ANLN: variants seen among roughly 807,000 people sequenced by gnomAD.
The protein encoded by ANLN is anillin, actin binding protein, also known as anillin.
ANLN carries 59 observed loss-of-function variants against 135.1 expected under a neutral mutation model. The ratio of observed to expected loss-of-function variants is 0.44; its 90% confidence interval spans 0.35 to 0.54. The LOEUF is 0.54. ANLN is among the 20% of genes least tolerant of loss of function. The probability of loss-of-function intolerance (pLI) is 0.00; values close to 1 mark genes in which losing one functional copy is unlikely to be tolerated. For synonymous variants in ANLN, 406 were observed against 456.4 expected (o/e 0.89, Z 1.41); for missense variants, 1,182 against 1,340.0 (o/e 0.88, Z 1.84).
intron 22 of ANLN, among the ~76,000 whole-genome samples, chr7:36,445,552 G>T (rs1489882118): frequency 6.6e-6 from 1 of 152,084 alleles, no homozygotes; most frequent in Middle Eastern, 3.2e-3. Flanking sequence ...TTTTGTAAGA[G>T]CACATTACAA....
At chr7:36,391,212 T>A (rs1307355765) in intron 1 of ANLN, among the ~76,000 whole-genome samples, 1 of 152,220 alleles carries the variant, frequency 6.6e-6, no homozygotes, top group Non-Finnish European at 1.5e-5. Context: ...CCTATTTTTG[T>A]ATTAGCCTTA....
chr7:36,412,043 C>G (rs1733040249), intron 7 of ANLN, among the ~76,000 whole-genome samples: 1 of 151,984 alleles, frequency 6.6e-6, no homozygotes, highest in Non-Finnish European at 1.5e-5. Flanking sequence ...TTGGTTTGCT[C>G]TATACCTTGT....
chr7:36,434,539 T>G (rs1174435944), intron 20 of ANLN, among the ~76,000 whole-genome samples: 1 of 152,198 alleles, frequency 6.6e-6, no homozygotes, highest in Non-Finnish European at 1.5e-5. Flanking sequence ...AAGAATATTT[T>G]CTTACATGTT....
rs770450081 is a variant in ANLN at position 36,452,435 on chromosome 7, A to T, written c.3252-42A>T. The T allele has an allele frequency of 8.1e-6, 13 of 1,612,236 alleles. No homozygotes were observed. The East Asian group carries it at 2.9e-4, about 36-fold the overall frequency. ...AAGAGTACATGGGGGTATGGAATGG[A>T]GGGAGAAGAATTCTGACCTCTTTGG... On this transcript the variant is annotated intron_variant, in intron 23 of 23. Coordinates refer to ENST00000265748, the MANE Select transcript of ANLN (RefSeq NM_018685.5).
At position 36,423,922 on chromosome 7, in the gene ANLN, C is replaced by T; in HGVS notation, c.2582C>T (p.Thr861Ile). 6.2e-7 allele frequency: 1 copy of T among 1,611,986 alleles called. No individual in the cohort carries two copies. The highest frequency in any genetic ancestry group is 1.1e-5 in the South Asian group (1 of 90,812). The change falls in exon 15 of 24, where the codon ACA becomes ATA. Residue 861 changes from threonine to isoleucine, a missense_variant. This residue lies in a region of ANLN where 1,022 missense variants were observed against 1,134.0 expected (regional missense o/e 0.90). Coordinates refer to ENST00000265748, the MANE Select transcript of ANLN (RefSeq NM_018685.5). The stretch of plus-strand genomic sequence containing the variant: ...AACTCTCTTAACGGTGATGCTCTGA[C>T]ATTCACTACTACATTTACTCTGTAA... ...TSNSLNGDALTFTTTFTLQDV... is the reference protein window; with the variant it reads ...TSNSLNGDALIFTTTFTLQDV...
At chr7:36,399,446 T>C (rs368970778) in intron 3 of ANLN, 53 bp downstream of exon 3, 6 of 1,437,300 alleles carry the variant, frequency 4.2e-6, no homozygotes, top group African/African-American at 2.9e-5. Context: ...TAAGATTCAG[T>C]TTGGTATGTT....
chr7:36,449,756 A>G lies in ANLN; in HGVS notation c.3170A>G (p.Glu1057Gly). 6.2e-7 allele frequency: 1 copy of G among 1,614,176 alleles called. No homozygotes were observed. The highest frequency in any genetic ancestry group is 8.5e-7 in the Non-Finnish European group (1 of 1,179,996). Reference protein sequence around the residue: ...REFCARRNTFELITVRPQRED... With the variant: ...REFCARRNTFGLITVRPQRED... Reference sequence around the variant, plus strand: ...TTTTGTGCAAGACGCAACACTTTTGAATTAATTACTGTCCGACCACAAAGA... The same window carrying G: ...TTTTGTGCAAGACGCAACACTTTTGGATTAATTACTGTCCGACCACAAAGA... The change falls in exon 23 of 24, where the codon GAA becomes GGA. Residue 1057 changes from glutamate (E) to glycine (G), a missense_variant. Glu to Gly is a moderately conservative substitution (Grantham distance 98). Transcript: ENST00000265748.
At chr7:36,446,536 G>GC (rs1719548321) in intron 22 of ANLN, among the ~76,000 whole-genome samples, 1 of 152,188 alleles carries the variant, frequency 6.6e-6, no homozygotes, top group South Asian at 2.1e-4. Flanking sequence ...TGAAGTGGGA[G>GC]CAGGTACATC....
intron 7 of ANLN, among the ~76,000 whole-genome samples, chr7:36,415,425 ATTT>A (rs1787599117): frequency 1.3e-5 from 2 of 151,516 alleles, no homozygotes; most frequent in Non-Finnish European, 2.9e-5. Flanking sequence ...ATTTTATTTT[ATTT>A]TATTCTACCA....
At chr7:36,414,314 T>A (rs1787551685) in intron 7 of ANLN, among the ~76,000 whole-genome samples, 2 of 152,136 alleles carry the variant, frequency 1.3e-5, no homozygotes, top group African/African-American at 4.8e-5. Flanking sequence ...GTTTTGTCCT[T>A]TCTGAGACCT....
chr7:36,435,631 T>C (rs915409888), intron 20 of ANLN, among the ~76,000 whole-genome samples: 4 of 151,940 alleles, frequency 2.6e-5, no homozygotes, highest in Non-Finnish European at 5.9e-5. Flanking sequence ...CCCAGCACTT[T>C]GGGAGGCCGA....
chr7:36,423,257 A>G (rs1375513293), intron 14 of ANLN, among the ~76,000 whole-genome samples: 1 of 152,136 alleles, frequency 6.6e-6, no homozygotes, highest in Non-Finnish European at 1.5e-5. Context: ...GGAGGTTGTG[A>G]AAGGTTTGAG....
intron 20 of ANLN, among the ~76,000 whole-genome samples, chr7:36,433,643 T>G (rs973575670): frequency 3.9e-5 from 6 of 152,208 alleles, no homozygotes; most frequent in African/African-American, 1.4e-4. Context: ...CTCTCCTTTC[T>G]GAAACTCCAG....
rs187235771 is a variant in ANLN, at chr7:36,422,838, G to A, written c.2476+29G>A. ...TGGTGGTGATTTTTCTAGATTGTGT[G>A]TTAAATTATGAACCTCACCTAGATT... On this transcript the variant is annotated intron_variant, in intron 14 of 23. Transcript: ENST00000265748. 1.1e-3 allele frequency: 1,710 copies of A among 1,563,254 alleles called. 9 individuals are homozygous for A. In the Middle Eastern group the frequency reaches 0.016, roughly 15 times the overall value.
chr7:36,452,201 C>T lies in ANLN; in HGVS notation c.3252-276C>T, dbSNP rs556677881. Among the ~76,000 whole-genome samples, 13 of 152,268 alleles carry T rather than the reference C, an allele frequency of 8.5e-5. No individual in the cohort carries two copies. In the South Asian group the frequency reaches 1.5e-3, roughly 17 times the overall value. Reference sequence around the variant, plus strand: ...TCCTATACCATCAGGTTACCCAGGCCGCACACTACCTGTATAAAACACCTG... The same window carrying T: ...TCCTATACCATCAGGTTACCCAGGCTGCACACTACCTGTATAAAACACCTG... On this transcript the variant is annotated intron_variant, in intron 23 of 23. Transcript: ENST00000265748.
In ANLN at chr7:36,422,716, A is replaced by G; in HGVS notation, c.2383A>G (p.Ser795Gly). The change falls in exon 14 of 24, where the codon AGT becomes GGT. Residue 795 changes from serine to glycine, a missense_variant. By Grantham distance (56) the Ser-to-Gly change is moderately conservative. This residue lies in a region of ANLN where 1,022 missense variants were observed against 1,134.0 expected (regional missense o/e 0.90). Transcript: ENST00000265748. Reference sequence around the variant, plus strand: ...GAGGAAGAATAAGGCTAGTCCCCAAAGTGAATTTATGCCATCCAAAGGATC... The same window carrying G: ...GAGGAAGAATAAGGCTAGTCCCCAAGGTGAATTTATGCCATCCAAAGGATC... ...PQRKNKASPQSEFMPSKGSVT... is the reference protein window; with the variant it reads ...PQRKNKASPQGEFMPSKGSVT... 1 of 1,613,242 alleles carries G rather than the reference A, an allele frequency of 6.2e-7. No homozygotes were observed. Among genetic ancestry groups the G allele is most frequent in the Non-Finnish European group, 8.5e-7 (1 of 1,179,754 alleles).
At chr7:36,392,042 G>A (rs780025265) in intron 1 of ANLN, among the ~76,000 whole-genome samples, 1 of 152,002 alleles carries the variant, frequency 6.6e-6, no homozygotes, top group African/African-American at 2.4e-5. Flanking sequence ...CTACTCACAG[G>A]TGATAGTCAT....
intron 2 of ANLN, among the ~76,000 whole-genome samples, chr7:36,397,162 A>G (rs1562783814): frequency 1.1e-5 from 1 of 89,630 alleles, no homozygotes; most frequent in Non-Finnish European, 2.9e-5. Context: ...TTTAAAAAAA[A>G]AGAAAGCAGA....
chr7:36,418,831 G>T (rs1238600557), intron 9 of ANLN, among the ~76,000 whole-genome samples: 2 of 150,556 alleles, frequency 1.3e-5, no homozygotes, highest in Admixed American at 6.6e-5. Context: ...TGGGCTCACT[G>T]CAACCTCTGC....
Sources: gnomAD v4.1 joint callset for allele counts (sites outside exome capture counted in the v4.1 genomes callset) on GRCh38, gnomAD v4.1.1 for gene constraint, gnomAD v4.1.1 regional missense constraint, MANE v1.5 for transcripts, NCBI Gene and HGNC (gene_info 2026-07-23, HGNC 2026-07-21) for gene names.